TTC28: variants seen among roughly 807,000 people sequenced by gnomAD.
TTC28 encodes tetratricopeptide repeat domain 28.
Under a neutral mutation model 198.0 loss-of-function variants are expected in TTC28, and 61 were observed. That is an observed-to-expected ratio of 0.31 (90% CI 0.25 to 0.38). The LOEUF is 0.38. Ranked by LOEUF, TTC28 falls within the 10% of genes least tolerant of loss-of-function variation. The pLI is 1.00. For missense variants in TTC28, 2,678 were observed against 3,164.0 expected (o/e 0.85, Z 3.69); for synonymous variants, 1,171 against 1,297.8 (o/e 0.90, Z 2.10).
chr22:28,400,523 T>C (rs1462937395), intron 2 of TTC28, among the ~76,000 whole-genome samples: 1 of 152,168 alleles, frequency 6.6e-6, no homozygotes. Flanking sequence ...TAGTTCTATA[T>C]AGTAGTGGTA....
chr22:28,580,395 G>GT (rs1488812892), intron 2 of TTC28, among the ~76,000 whole-genome samples: 2 of 151,948 alleles, frequency 1.3e-5, no homozygotes, highest in Non-Finnish European at 2.9e-5. Flanking sequence ...ATTTTTAGTT[G>GT]TATTTTTTTA....
chr22:28,243,174 C>CAAAAAAAAAA lies in TTC28; in HGVS notation c.933+53014_933+53023dup, dbSNP rs754700795. On this transcript the variant is annotated intron_variant, in intron 5 of 22. Transcript: ENST00000397906. Reference sequence around the variant, plus strand: ...GCAACCTGGCAAAACCCCCTCTCTACAAAAAAAAAAAAAAAAAAAAAAAAA... The same window carrying CAAAAAAAAAA: ...GCAACCTGGCAAAACCCCCTCTCTACAAAAAAAAAAAAAAAAAAAAAAAAAAAAAAAAAAA... 2.3e-3 allele frequency among the ~76,000 whole-genome samples: 157 copies of CAAAAAAAAAA among 68,324 alleles called. 27 individuals are homozygous for CAAAAAAAAAA. The highest frequency in any genetic ancestry group is 3.4e-3 in the African/African-American group (52 of 15,410). The allele number at this position is 68,324 out of a possible 152,430, so 44.8% of individuals were successfully genotyped here.
At chr22:28,583,984 G>GT (rs138610593) in intron 2 of TTC28, among the ~76,000 whole-genome samples, 18,561 of 131,544 alleles carry the variant, frequency 0.14, 1,278 homozygotes, top group Non-Finnish European at 0.16. Context: ...CTCTTTCTCC[G>GT]TTTTTTTTTT....
intron 2 of TTC28, among the ~76,000 whole-genome samples, chr22:28,331,569 T>C (rs1382092553): frequency 6.6e-6 from 1 of 152,082 alleles, no homozygotes; most frequent in Non-Finnish European, 1.5e-5. Context: ...AGATACATAA[T>C]CTATCCATCA....
intron 5 of TTC28, among the ~76,000 whole-genome samples, chr22:28,228,263 A>T (rs921799832): frequency 6.6e-6 from 1 of 152,170 alleles, no homozygotes; most frequent in Non-Finnish European, 1.5e-5. Flanking sequence ...CAAGTTGGGA[A>T]AATGAAATTG....
intron 2 of TTC28, among the ~76,000 whole-genome samples, chr22:28,386,557 C>T (rs916400081): frequency 1.3e-5 from 2 of 152,116 alleles, no homozygotes; most frequent in East Asian, 1.9e-4. Flanking sequence ...AGATTCATAC[C>T]TAAAATATTT....
chr22:28,140,317 G>A lies in TTC28; in HGVS notation c.1441+22775C>T, dbSNP rs557646284. Among the ~76,000 whole-genome samples, 5 of 152,348 alleles carry A rather than the reference G, an allele frequency of 3.3e-5. No individual in the cohort carries two copies. In the East Asian group the frequency reaches 9.6e-4, roughly 29 times the overall value. ...GTAAAACAAACTCAGCCTCAAGGCT[G>A]ATGTGCCTCTGAATCTCCCCTCAGA... On this transcript the variant is annotated intron_variant, in intron 6 of 22. Transcript: ENST00000397906.
intron 2 of TTC28, among the ~76,000 whole-genome samples, chr22:28,545,968 A>C (rs2049533130): frequency 6.6e-6 from 1 of 152,224 alleles, no homozygotes; most frequent in African/African-American, 2.4e-5. Flanking sequence ...TGTAGAAATC[A>C]GTAAGCTGAT....
intron 2 of TTC28, among the ~76,000 whole-genome samples, chr22:28,466,496 G>C (rs1347628937): frequency 6.6e-6 from 1 of 152,096 alleles, no homozygotes; most frequent in African/African-American, 2.4e-5. Flanking sequence ...CCAAACCAAA[G>C]TAATAAATCT....
chr22:28,468,570 G>A (rs1314692211), intron 2 of TTC28, among the ~76,000 whole-genome samples: 1 of 151,150 alleles, frequency 6.6e-6, no homozygotes, highest in Non-Finnish European at 1.5e-5. Context: ...AGGCTGGAGT[G>A]CAATGGCACA....
At chr22:28,556,345 C>G (rs1213232266) in intron 2 of TTC28, among the ~76,000 whole-genome samples, 1 of 152,040 alleles carries the variant, frequency 6.6e-6, no homozygotes, top group African/African-American at 2.4e-5. Context: ...GGCAACACAG[C>G]AAGACCCTGT....
At chr22:28,321,073 A>C (rs1269424925) in intron 2 of TTC28, among the ~76,000 whole-genome samples, 1 of 152,198 alleles carries the variant, frequency 6.6e-6, no homozygotes, top group Admixed American at 6.5e-5. Context: ...CAGAAGATAA[A>C]AGAAATATAG....
chr22:28,472,053 G>T (rs188919066), intron 2 of TTC28, among the ~76,000 whole-genome samples: 24 of 152,234 alleles, frequency 1.6e-4, no homozygotes, highest in Non-Finnish European at 3.1e-4. Context: ...TTTCTTCAAA[G>T]ATTCTGCCTT....
At chr22:28,092,250 C>T (rs900919127) in intron 12 of TTC28, among the ~76,000 whole-genome samples, 23 of 152,196 alleles carry the variant, frequency 1.5e-4, no homozygotes, top group Admixed American at 1.0e-3. Flanking sequence ...TTAGCAACAT[C>T]AGTCAGGTTT....
intron 2 of TTC28, among the ~76,000 whole-genome samples, chr22:28,366,549 G>A (rs950290226): frequency 9.9e-5 from 15 of 152,008 alleles, no homozygotes; most frequent in East Asian, 1.9e-4. Flanking sequence ...CAGTGGTGAC[G>A]AGAAAACAAA....
intron 2 of TTC28, among the ~76,000 whole-genome samples, chr22:28,511,958 TAAAC>T (rs2048694549): frequency 6.6e-6 from 1 of 151,808 alleles, no homozygotes; most frequent in Non-Finnish European, 1.5e-5. Context: ...ATTAATTAAT[TAAAC>T]TAAAGAGCTT....
chr22:28,473,368 G>C (rs2048122600), intron 2 of TTC28, among the ~76,000 whole-genome samples: 1 of 152,152 alleles, frequency 6.6e-6, no homozygotes. Context: ...GGTGGGGCTT[G>C]AATTCGGGAC....
intron 1 of TTC28, among the ~76,000 whole-genome samples, chr22:28,647,578 G>A (rs1466423045): frequency 3.9e-5 from 6 of 152,242 alleles, no homozygotes; most frequent in South Asian, 2.1e-4. Context: ...GGTGGCTCAC[G>A]CCTGTAATCT....
At chr22:27,991,674 G>A (rs569994699) in intron 19 of TTC28, among the ~76,000 whole-genome samples, 1 of 152,282 alleles carries the variant, frequency 6.6e-6, no homozygotes, top group Non-Finnish European at 1.5e-5. Flanking sequence ...AAGCAACTCT[G>A]TGCTCTTCAA....
Sources: gnomAD v4.1 joint callset for allele counts (sites outside exome capture counted in the v4.1 genomes callset) on GRCh38, gnomAD v4.1.1 for gene constraint, MANE v1.5 for transcripts, NCBI Gene and HGNC (gene_info 2026-07-23, HGNC 2026-07-21) for gene names.